Variants in RGS17 observed in about 807,000 individuals in gnomAD.
The protein encoded by RGS17 is regulator of G-protein signaling 17.
RGS17 carries 12 observed loss-of-function variants against 25.5 expected under a neutral mutation model. The observed-to-expected ratio is 0.47, with a 90% CI of 0.30 to 0.76. RGS17 has a LOEUF of 0.76. Among genes scored for constraint, RGS17 ranks in the 30% least tolerant of loss-of-function variants. The probability of loss-of-function intolerance (pLI) is 0.07; values close to 1 mark genes in which losing one functional copy is unlikely to be tolerated. For synonymous variants in RGS17, 71 were observed against 76.9 expected, an observed-to-expected ratio of 0.92 and a Z score of 0.40; for missense variants, 196 against 242.2, an observed-to-expected ratio of 0.81 and a Z score of 1.27.
At chr6:153,117,832 C>T (rs1363900964) in intron 1 of RGS17, among the ~76,000 whole-genome samples, 1 of 152,184 alleles carries the variant, frequency 6.6e-6, no homozygotes, top group Non-Finnish European at 1.5e-5. Context: ...CAATCACTGG[C>T]ACTGCTTGGT....
chr6:153,059,463 G>GTAC (rs1264991999), intron 1 of RGS17, among the ~76,000 whole-genome samples: 1 of 152,180 alleles, frequency 6.6e-6, no homozygotes, highest in Non-Finnish European at 1.5e-5. Flanking sequence ...CCTTTAGGGG[G>GTAC]TACTGGCTCT....
At chr6:153,014,724 G>A (rs535854345) in intron 4 of RGS17, among the ~76,000 whole-genome samples, 153 of 152,086 alleles carry the variant, frequency 1.0e-3, no homozygotes, top group Non-Finnish European at 9.1e-4. Flanking sequence ...CGTGAACCTG[G>A]GAGGCAGAGC....
At chr6:153,129,590 A>G (rs570530930) in intron 1 of RGS17, among the ~76,000 whole-genome samples, 1 of 152,216 alleles carries the variant, frequency 6.6e-6, no homozygotes, top group Non-Finnish European at 1.5e-5. Flanking sequence ...CCGGAAAACC[A>G]GTATGTATGA....
chr6:153,017,571 C>G (rs1390672194), intron 4 of RGS17, among the ~76,000 whole-genome samples: 1 of 151,986 alleles, frequency 6.6e-6, no homozygotes, highest in East Asian at 1.9e-4. Context: ...TTCACCCTGC[C>G]TTTTTATTCC....
At chr6:153,035,561 G>A (rs1178257025) in intron 2 of RGS17, among the ~76,000 whole-genome samples, 1 of 152,138 alleles carries the variant, frequency 6.6e-6, no homozygotes, top group East Asian at 1.9e-4. Flanking sequence ...TTAATCAGGT[G>A]TAACACAACT....
At chr6:153,037,354 T>C (rs1465401007) in intron 2 of RGS17, among the ~76,000 whole-genome samples, 1 of 152,078 alleles carries the variant, frequency 6.6e-6, no homozygotes, top group Non-Finnish European at 1.5e-5. Context: ...CAAATCCAAA[T>C]CCATCACCCA....
intron 1 of RGS17, among the ~76,000 whole-genome samples, chr6:153,054,001 C>CATATATATGTATATATGTATATATAAT (rs1562321399): frequency 3.3e-5 from 1 of 30,230 alleles, no homozygotes; most frequent in African/African-American, 1.6e-4. Flanking sequence ...AATATATATA[C>CATATATATGTATATATGTATATATAAT]ATATATACGT....
chr6:153,048,831 G>A (rs1251797758), intron 1 of RGS17, among the ~76,000 whole-genome samples: 1 of 152,048 alleles, frequency 6.6e-6, no homozygotes, highest in Non-Finnish European at 1.5e-5. Flanking sequence ...TCCATATAAT[G>A]TATCATCACT....
In RGS17 at chr6:153,130,002, C is replaced by T. The variant is rs890157623; in HGVS notation, c.-26+1122G>A. On this transcript the variant is annotated intron_variant, in intron 1 of 4. Transcript: ENST00000206262. The surrounding 1 kb of genome is among the most constrained non-coding windows in gnomAD (Gnocchi z 6.4). ...GCCAGGCGACCCCGGCTCGCTCTCCCGGAGCCCAGGGACTCCCGAGGCTGG... is the reference window on the plus strand; with the variant it reads ...GCCAGGCGACCCCGGCTCGCTCTCCTGGAGCCCAGGGACTCCCGAGGCTGG... Among the ~76,000 whole-genome samples, 1 of 152,086 alleles carries T rather than the reference C, an allele frequency of 6.6e-6. No homozygotes were observed. Among genetic ancestry groups the T allele is most frequent in the Non-Finnish European group, 1.5e-5 (1 of 67,984 alleles).
At chr6:153,105,362 C>A (rs1379939201) in intron 1 of RGS17, among the ~76,000 whole-genome samples, 4 of 152,058 alleles carry the variant, frequency 2.6e-5, no homozygotes, top group Admixed American at 6.6e-5. Flanking sequence ...TTATTAAGGA[C>A]CTATTATCTG....
intron 4 of RGS17, among the ~76,000 whole-genome samples, chr6:153,017,429 T>A (rs1779195944): frequency 6.6e-6 from 1 of 151,770 alleles, no homozygotes; most frequent in Non-Finnish European, 1.5e-5. Context: ...GACAGAGAAA[T>A]CTTGTTAGTG....
At chr6:153,034,616 G>A (rs1372041479) in intron 2 of RGS17, among the ~76,000 whole-genome samples, 1 of 152,162 alleles carries the variant, frequency 6.6e-6, no homozygotes, top group Non-Finnish European at 1.5e-5. Context: ...CTTGCCAAAG[G>A]TTTCATAGTT....
chr6:153,112,975 T>C (rs1216620364), intron 1 of RGS17, among the ~76,000 whole-genome samples: 2 of 152,028 alleles, frequency 1.3e-5, no homozygotes, highest in Admixed American at 6.6e-5. Flanking sequence ...ACATACCAAA[T>C]TGTAAAGCCC....
At chr6:153,042,448 C>A (rs1776334365) in intron 2 of RGS17, among the ~76,000 whole-genome samples, 1 of 152,156 alleles carries the variant, frequency 6.6e-6, no homozygotes, top group Non-Finnish European at 1.5e-5. Context: ...GGGCAGTTCC[C>A]CTGCACATGC....
intron 1 of RGS17, among the ~76,000 whole-genome samples, chr6:153,071,579 A>G (rs1458213726): frequency 6.6e-6 from 1 of 152,186 alleles, no homozygotes; most frequent in Non-Finnish European, 1.5e-5. Flanking sequence ...AGCCCCAATT[A>G]GTTTTCACTA....
chr6:153,066,329 T>C (rs1445546204), intron 1 of RGS17, among the ~76,000 whole-genome samples: 1 of 152,060 alleles, frequency 6.6e-6, no homozygotes, highest in Non-Finnish European at 1.5e-5. Flanking sequence ...GTGGGAACAA[T>C]AACAAGTAAC....
intron 1 of RGS17, among the ~76,000 whole-genome samples, chr6:153,109,703 AG>A (rs1476800432): frequency 6.6e-6 from 1 of 152,264 alleles, no homozygotes; most frequent in Non-Finnish European, 1.5e-5. Context: ...TCTGGTTAGG[AG>A]TTAAAATATT....
chr6:153,044,098 C>T (rs556770967), intron 1 of RGS17, 55 bp from the exon 2 acceptor site: 35 of 831,210 alleles, frequency 4.2e-5, no homozygotes, highest in African/African-American at 2.8e-4. Context: ...GGATAAGTTG[C>T]GTATGCTGAA....
At chr6:153,057,247 T>C (rs1265799155) in intron 1 of RGS17, among the ~76,000 whole-genome samples, 2 of 152,062 alleles carry the variant, frequency 1.3e-5, no homozygotes, top group Non-Finnish European at 2.9e-5. Flanking sequence ...AAAAGAATGC[T>C]CCTCCATCTT....
Sources: allele counts gnomAD v4.1 joint callset (sites outside exome capture counted in the v4.1 genomes callset), GRCh38; gene constraint gnomAD v4.1.1; non-coding constraint Gnocchi (gnomAD v3.1); transcripts MANE v1.5; gene names NCBI Gene and HGNC (gene_info 2026-07-23, HGNC 2026-07-21).